Variants in DAG1 observed in about 807,000 individuals in gnomAD.
The protein encoded by DAG1 is dystroglycan 1 (dystrophin-associated glycoprotein 1).
In DAG1, 8 loss-of-function variants were observed where a neutral mutation model predicts 46.1. The ratio of observed to expected loss-of-function variants is 0.17; its 90% CI spans 0.10 to 0.31. DAG1 has a LOEUF of 0.31. Ranked by LOEUF, DAG1 falls within the 10% of genes least tolerant of loss-of-function variation. The probability of loss-of-function intolerance (pLI) is 1.00; values close to 1 mark genes in which losing one functional copy is unlikely to be tolerated. For synonymous variants in DAG1, 495 were observed against 481.8 expected (o/e 1.03, Z -0.36); for missense variants, 1,003 against 1,189.9 (o/e 0.84, Z 2.31).
At chr3:49,528,275 A>T (rs1247737285) in intron 2 of DAG1, among the ~76,000 whole-genome samples, 89 of 66,620 alleles carry the variant, frequency 1.3e-3, no homozygotes, top group Non-Finnish European at 1.6e-3. Flanking sequence ...AAATAGTGTG[A>T]TTTTTTTTTT....
At chr3:49,497,701 A>G (rs1027367407) in intron 1 of DAG1, among the ~76,000 whole-genome samples, 1 of 152,226 alleles carries the variant, frequency 6.6e-6, no homozygotes, top group Non-Finnish European at 1.5e-5. Context: ...AGTCAAGTAT[A>G]CTGTTCGGTA....
chr3:49,472,624 G>A (rs1443584298), intron 1 of DAG1, among the ~76,000 whole-genome samples: 2 of 152,020 alleles, frequency 1.3e-5, no homozygotes, highest in Non-Finnish European at 2.9e-5. Flanking sequence ...TGGCTAACAC[G>A]GTGAAACCCC....
chr3:49,520,864 A>G (rs937867641), intron 2 of DAG1, among the ~76,000 whole-genome samples: 6 of 152,208 alleles, frequency 3.9e-5, no homozygotes, highest in African/African-American at 1.4e-4. Flanking sequence ...TAAGTCCTGC[A>G]ACTCCTGCAT....
chr3:49,478,276 A>AG (rs1173861819), intron 1 of DAG1, among the ~76,000 whole-genome samples: 1 of 148,544 alleles, frequency 6.7e-6, no homozygotes, highest in South Asian at 2.1e-4. Flanking sequence ...TCTGTCTCAA[A>AG]AAAAAAAAAA....
At position 49,531,677 on chromosome 3, in the gene DAG1, G is replaced by T. The variant is rs764205302; in HGVS notation, c.1166G>T (p.Arg389Leu). 2 of 1,613,458 alleles carry T rather than the reference G, an allele frequency of 1.2e-6. No individual in the cohort carries two copies. Among genetic ancestry groups the T allele is most frequent in the Admixed American group, 3.3e-5 (2 of 59,990 alleles). The part of the protein sequence containing the change: ...TPTLGPIQPT[R>L]VSEAGTTVPG... ...ACCCTAGGCCCCATCCAGCCTACTC[G>T]GGTGTCAGAAGCTGGCACCACAGTT... is the stretch of plus-strand genomic sequence containing the variant. The change falls in exon 3 of 3, where the codon CGG (arginine) becomes CTG (leucine). Residue 389 changes from arginine (R) to leucine (L), a missense_variant. Coordinates refer to ENST00000308775, the MANE Select transcript of DAG1 (RefSeq NM_004393.6). The surrounding 1 kb of genome is among the most constrained non-coding windows in gnomAD (Gnocchi z 7.0).
At chr3:49,477,352 A>G (rs763951592) in intron 1 of DAG1, among the ~76,000 whole-genome samples, 2 of 152,098 alleles carry the variant, frequency 1.3e-5, no homozygotes, top group African/African-American at 2.4e-5. Context: ...GTGCAGTGGC[A>G]TGATTACAGC....
At chr3:49,475,439 C>T (rs559436051) in intron 1 of DAG1, among the ~76,000 whole-genome samples, 1 of 136,492 alleles carries the variant, frequency 7.3e-6, no homozygotes, top group Non-Finnish European at 1.6e-5. Flanking sequence ...TGGAGTCTCA[C>T]TCTGTTGCCC....
At chr3:49,501,967 A>T (rs1011798512) in intron 1 of DAG1, among the ~76,000 whole-genome samples, 1 of 152,220 alleles carries the variant, frequency 6.6e-6, no homozygotes, top group South Asian at 2.1e-4. Context: ...GCTTGAGCCC[A>T]TGAGTTTGAA....
In DAG1 at chr3:49,533,172, G is replaced by A; in HGVS notation, c.2661G>A (p.Arg887=). ...GSRPKNMTPY[R]SPPPYVPP ...GTCCCAAGAACATGACCCCATACCG[G>A]TCACCTCCTCCCTATGTCCCACCTT... The change falls in exon 3 of 3, where the codon CGG becomes CGA. Residue 887 remains arginine (R), a synonymous_variant. Coordinates refer to ENST00000308775, the MANE Select transcript of DAG1 (RefSeq NM_004393.6). 6.2e-7 allele frequency: 1 copy of A among 1,613,768 alleles called. No individual in the cohort carries two copies. Among genetic ancestry groups the A allele is most frequent in the South Asian group, 1.1e-5 (1 of 91,082 alleles).
At chr3:49,478,588 C>T (rs377328073) in intron 1 of DAG1, among the ~76,000 whole-genome samples, 6 of 140,174 alleles carry the variant, frequency 4.3e-5, no homozygotes, top group East Asian at 2.1e-4. Context: ...ATGTTGCCCA[C>T]GCTGGCCTTG....
chr3:49,498,199 C>G (rs2050363194), intron 1 of DAG1, among the ~76,000 whole-genome samples: 1 of 152,172 alleles, frequency 6.6e-6, no homozygotes, highest in African/African-American at 2.4e-5. Flanking sequence ...CTCCATATCA[C>G]TGGTGGTATT....
At chr3:49,493,552 A>G (rs116443409) in intron 1 of DAG1, among the ~76,000 whole-genome samples, 35 of 152,330 alleles carry the variant, frequency 2.3e-4, no homozygotes, top group African/African-American at 7.5e-4. Context: ...TGTGGCTGAC[A>G]GCCTCTGAGG....
intron 1 of DAG1, among the ~76,000 whole-genome samples, chr3:49,473,935 G>A (rs2049602435): frequency 6.7e-6 from 1 of 150,344 alleles, no homozygotes. Flanking sequence ...CCAGGCTGGA[G>A]TGCAGTGGTG....
chr3:49,508,601 T>C (rs1374390003), intron 1 of DAG1, among the ~76,000 whole-genome samples: 5 of 152,208 alleles, frequency 3.3e-5, no homozygotes, highest in African/African-American at 9.6e-5. Flanking sequence ...GGTTTCACCA[T>C]GTTGGCCAGG....
At chr3:49,499,723 C>T (rs774452308) in intron 1 of DAG1, among the ~76,000 whole-genome samples, 7 of 152,180 alleles carry the variant, frequency 4.6e-5, no homozygotes, top group Non-Finnish European at 8.8e-5. Flanking sequence ...CCTTTGGTTG[C>T]ATCTTCCTGG....
intron 1 of DAG1, among the ~76,000 whole-genome samples, chr3:49,478,802 C>CTTTTTTTTTTTTTTTTTTTTTT (rs201202889): frequency 6.6e-5 from 5 of 76,012 alleles, no homozygotes; most frequent in Non-Finnish European, 9.7e-5. Flanking sequence ...CGTCCCCTCC[C>CTTTTTTTTTTTTTTTTTTTTTT]TTTTTTTTTT....
chr3:49,491,725 G>A (rs777292470), intron 1 of DAG1, among the ~76,000 whole-genome samples: 26 of 151,720 alleles, frequency 1.7e-4, no homozygotes, highest in Admixed American at 5.3e-4. Flanking sequence ...ATCCGCCCGC[G>A]TCGGCCTCCC....
intron 2 of DAG1, among the ~76,000 whole-genome samples, chr3:49,518,180 C>G (rs1475248685): frequency 2.6e-5 from 4 of 152,088 alleles, no homozygotes; most frequent in African/African-American, 9.7e-5. Flanking sequence ...GGCTGAGTTG[C>G]CAAATGAAGA....
At chr3:49,511,169 A>C (rs918755968) in intron 2 of DAG1, among the ~76,000 whole-genome samples, 6 of 152,232 alleles carry the variant, frequency 3.9e-5, no homozygotes, top group African/African-American at 1.4e-4. Flanking sequence ...TAGGACTTTT[A>C]TGCTTTGAAC....
Sources: allele counts gnomAD v4.1 joint callset (sites outside exome capture counted in the v4.1 genomes callset), GRCh38; gene constraint gnomAD v4.1.1; non-coding constraint Gnocchi (gnomAD v3.1); transcripts MANE v1.5; gene names NCBI Gene and HGNC (gene_info 2026-07-23, HGNC 2026-07-21).